The following ZNF549 variants were observed in gnomAD, a reference collection of about 807,000 sequenced individuals.
The protein encoded by ZNF549 is zinc finger protein 549.
ZNF549 carries 11 observed loss-of-function variants against 11.1 expected under a neutral mutation model. The observed-to-expected ratio is 0.99, with a 90% confidence interval of 0.62 to 1.64. The LOEUF (loss-of-function observed/expected upper bound fraction) is 1.64. ZNF549 is among the 40% of genes most tolerant of loss of function. The pLI is 0.00. For missense variants in ZNF549, 748 were observed against 765.1 expected, an observed-to-expected ratio of 0.98 and a Z score of 0.26; for synonymous variants, 266 against 269.1, an observed-to-expected ratio of 0.99 and a Z score of 0.11.
chr19:57,535,628 A>G (rs2089921231), intron 3 of ZNF549, among the ~76,000 whole-genome samples: 1 of 152,144 alleles, frequency 6.6e-6, no homozygotes, highest in Non-Finnish European at 1.5e-5. Flanking sequence ...TTTCTCAGGA[A>G]TTACAGGTAC....
intron 1 of ZNF549, 85 bp downstream of exon 1, chr19:57,527,691 C>T (rs922606314): frequency 9.9e-6 from 15 of 1,522,306 alleles, no homozygotes; most frequent in Non-Finnish European, 1.1e-5. Context: ...GTTCAGGCCT[C>T]TTCTCCAGGA....
intron 2 of ZNF549, among the ~76,000 whole-genome samples, chr19:57,534,656 A>G (rs2123313400): frequency 6.6e-6 from 1 of 152,280 alleles, no homozygotes; most frequent in Non-Finnish European, 1.5e-5. Flanking sequence ...CCACATGGGG[A>G]CGTCTTCATA....
In ZNF549 at chr19:57,531,053, C is replaced by G. The variant is rs761801274; in HGVS notation, c.34-17C>G. On this transcript the variant is annotated splice_polypyrimidine_tract_variant and intron_variant, in intron 1 of 3. Transcript: ENST00000376233. ...CACCTTGAACACCTGTATTTCATAG[C>G]CTCCCTCTTCCTACAGATTCCCATG... 1 of 1,598,054 alleles carries G rather than the reference C, an allele frequency of 6.3e-7. No homozygotes were observed. Among genetic ancestry groups the G allele is most frequent in the Non-Finnish European group, 8.5e-7 (1 of 1,179,598 alleles).
At position 57,537,391 on chromosome 19, in the gene ZNF549, G is replaced by T; in HGVS notation, c.387G>T (p.Gln129His). 1 of 1,614,202 alleles carries T rather than the reference G, an allele frequency of 6.2e-7. No homozygotes were observed. The highest frequency in any genetic ancestry group is 1.1e-5 in the South Asian group (1 of 91,074). Residue 129 changes from glutamine to histidine, a missense_variant, in exon 4 of 4, where the codon CAG becomes CAT. Coordinates refer to ENST00000376233, the MANE Select transcript of ZNF549 (RefSeq NM_001199295.2). ...AGCATCAGGGGACACTTCCCTGGCA[G>T]AAACCTTATACGTCTGTGGCCAGTG... ...LSEHQGTLPW[Q>H]KPYTSVASGK...
Position 57,538,139 on chromosome 19 carries a change from C to CA in ZNF549, c.1136dup (p.His379GlnfsTer15), listed in dbSNP as rs1389370073. 1 of 1,614,232 alleles carries CA rather than the reference C, an allele frequency of 6.2e-7. No homozygotes were observed. Among genetic ancestry groups the CA allele is most frequent in the African/African-American group, 1.3e-5 (1 of 75,052 alleles). On this transcript the variant is annotated frameshift_variant, in exon 4 of 4. Coordinates refer to ENST00000376233, the MANE Select transcript of ZNF549 (RefSeq NM_001199295.2). LOFTEE classifies it low-confidence loss of function (END_TRUNC). ...TATTCATTCCTATGACCGCATTCGA[C>CA]ACCAGAGAGTTCACACTGGAGAAGG... is the stretch of plus-strand genomic sequence containing the variant.
intron 2 of ZNF549, among the ~76,000 whole-genome samples, chr19:57,532,395 C>A (rs948810552): frequency 1.1e-4 from 17 of 152,140 alleles, no homozygotes; most frequent in Admixed American, 2.6e-4. Context: ...ATGGAAATAG[C>A]TCTCAGGGAG....
chr19:57,529,854 C>A (rs1489808365), intron 1 of ZNF549, among the ~76,000 whole-genome samples: 1 of 151,864 alleles, frequency 6.6e-6, no homozygotes, highest in Non-Finnish European at 1.5e-5. Flanking sequence ...CCACTACACT[C>A]CAGCCTGGGC....
In ZNF549 at chr19:57,538,270, T is replaced by G; in HGVS notation, c.1266T>G (p.Cys422Trp). The stretch of plus-strand genomic sequence containing the variant: ...AAAGGCCTTATGAGTGCAAAGAATG[T>G]GGGAAGGCCTTCATTCACAAAAAAA... ...TGERPYECKE[C>W]GKAFIHKKRL... Residue 422 changes from cysteine to tryptophan, a missense_variant, in exon 4 of 4, where the codon TGT becomes TGG. Cys to Trp is a radical substitution (Grantham distance 215). Transcript: ENST00000376233. 6.2e-7 allele frequency: 1 copy of G among 1,613,838 alleles called. No homozygotes were observed. Among genetic ancestry groups the G allele is most frequent in the Non-Finnish European group, 8.5e-7 (1 of 1,179,956 alleles).
rs184207198 is a variant in ZNF549, at chr19:57,538,952, T to C, written c.*25T>C. On this transcript the variant is annotated 3_prime_UTR_variant, in exon 4 of 4. Coordinates refer to ENST00000376233, the MANE Select transcript of ZNF549 (RefSeq NM_001199295.2). ...GCAATTGTTGGGATGTGTAATTGTCTTATTCACTGTAGGACACCAGAGAGC... is the reference window on the plus strand; with the variant it reads ...GCAATTGTTGGGATGTGTAATTGTCCTATTCACTGTAGGACACCAGAGAGC... 23 of 1,577,300 alleles carry C rather than the reference T, an allele frequency of 1.5e-5. No homozygotes were observed. Among genetic ancestry groups the C allele is most frequent in the Non-Finnish European group, 6.9e-6 (8 of 1,167,798 alleles).
Position 57,527,523 on chromosome 19 carries a change from A to G in ZNF549, c.-51A>G. The G allele has an allele frequency of 6.2e-7, 1 of 1,611,428 alleles. No individual in the cohort carries two copies. The highest frequency in any genetic ancestry group is 8.5e-7 in the Non-Finnish European group (1 of 1,179,366). ...CGATTTGCCACCGCACGCACGCCGG[A>G]TCCCGGGCTTTACCGCCCGCCTTTC... On this transcript the variant is annotated 5_prime_UTR_variant, in exon 1 of 4. Coordinates refer to ENST00000376233, the MANE Select transcript of ZNF549 (RefSeq NM_001199295.2).
chr19:57,530,217 G>T (rs1041857288), intron 1 of ZNF549, among the ~76,000 whole-genome samples: 5 of 152,160 alleles, frequency 3.3e-5, no homozygotes, highest in Admixed American at 2.0e-4. Context: ...CCCACCTCTG[G>T]CATCCAGGGA....
chr19:57,538,536 A>G lies in ZNF549; in HGVS notation c.1532A>G (p.Tyr511Cys). ...YECSECGKGF[Y>C]LEVKLLQHQR... ...TGCAGTGAATGTGGAAAAGGCTTCT[A>G]CCTTGAGGTTAAACTTCTTCAGCAC... The change falls in exon 4 of 4, where the codon TAC (tyrosine) becomes TGC (cysteine). Residue 511 changes from tyrosine (Y) to cysteine (C), a missense_variant. Transcript: ENST00000376233. The G allele has an allele frequency of 6.2e-7, 1 of 1,614,178 alleles. No individual in the cohort carries two copies. The highest frequency in any genetic ancestry group is 8.5e-7 in the Non-Finnish European group (1 of 1,180,028).
In ZNF549 at chr19:57,539,941, A is replaced by G. The variant is rs2089947737; in HGVS notation, c.*1014A>G. The stretch of plus-strand genomic sequence containing the variant: ...TGCATCCAGATATGTCTGTGTTACT[A>G]TGGCTTCATGGTTTGGGGGTATATA... On this transcript the variant is annotated 3_prime_UTR_variant, in exon 4 of 4. Transcript: ENST00000376233. The G allele has an allele frequency of 6.6e-6, 1 of 152,226 alleles. No homozygotes were observed. 9.4% of individuals were successfully genotyped at this position (152,226 alleles called of 1,614,324 possible).
intron 2 of ZNF549, among the ~76,000 whole-genome samples, chr19:57,531,532 T>C (rs927728755): frequency 6.6e-6 from 1 of 152,246 alleles, no homozygotes; most frequent in Non-Finnish European, 1.5e-5. Context: ...TACAATATTT[T>C]TTTTCTTGTT....
rs1159572024 is a variant in ZNF549 at position 57,539,229 on chromosome 19, G to A, written c.*302G>A. The A allele has an allele frequency of 3.8e-6, 1 of 266,390 alleles. No individual in the cohort carries two copies. The highest frequency in any genetic ancestry group is 6.8e-5 in the East Asian group (1 of 14,642). The allele number at this position is 266,390 out of a possible 1,614,324, so 16.5% of individuals were successfully genotyped here. On this transcript the variant is annotated 3_prime_UTR_variant, in exon 4 of 4. Coordinates refer to ENST00000376233, the MANE Select transcript of ZNF549 (RefSeq NM_001199295.2). The stretch of plus-strand genomic sequence containing the variant: ...TTCTGAAGGGAATAATATAATAAAA[G>A]CCTGTTGAGGGTCCTCTTCCATCTT...
chr19:57,535,744 G>A lies in ZNF549; in HGVS notation c.199+474G>A, dbSNP rs143366984. Among the ~76,000 whole-genome samples the A allele has an allele frequency of 1.8e-3, 271 of 152,188 alleles. 2 individuals are homozygous for A. The highest frequency in any genetic ancestry group is 5.9e-3 in the African/African-American group (243 of 41,526). ...CTCCTGTAGTCTGTCATGGGTTGGC[G>A]CACCCTGGGCCAGTGTTGTTGACCC... On this transcript the variant is annotated intron_variant, in intron 3 of 3. Coordinates refer to ENST00000376233, the MANE Select transcript of ZNF549 (RefSeq NM_001199295.2).
In ZNF549 at chr19:57,537,710, G is replaced by A. The variant is rs781578082; in HGVS notation, c.706G>A (p.Glu236Lys). The change falls in exon 4 of 4, where the codon GAG (glutamate) becomes AAG (lysine). Residue 236 changes from glutamate (E) to lysine (K), a missense_variant. Glu to Lys is a moderately conservative substitution (Grantham distance 56, BLOSUM62 1). Coordinates refer to ENST00000376233, the MANE Select transcript of ZNF549 (RefSeq NM_001199295.2). ...QVFNEKVHVT[E>K]HQRVHTGEKA... ...TTTCAATGAGAAAGTTCATGTTACT[G>A]AGCATCAGAGAGTCCACACTGGAGA... The A allele has an allele frequency of 3.7e-6, 6 of 1,614,132 alleles. No homozygotes were observed. The highest frequency in any genetic ancestry group is 1.1e-5 in the South Asian group (1 of 91,084).
chr19:57,527,462 A>C lies in ZNF549; in HGVS notation c.-112A>C. ...CGGTGGAGGTGGTGTCCGCCCGCAG[A>C]GGAGCTTGCCTGGTCTCGGTCTGAG... On this transcript the variant is annotated 5_prime_UTR_variant, in exon 1 of 4. Coordinates refer to ENST00000376233, the MANE Select transcript of ZNF549 (RefSeq NM_001199295.2). 3.4e-6 allele frequency: 5 copies of C among 1,461,802 alleles called. No homozygotes were observed. The highest frequency in any genetic ancestry group is 4.7e-6 in the Non-Finnish European group (5 of 1,062,914). 90.6% of individuals were successfully genotyped at this position (1,461,802 alleles called of 1,614,324 possible).
intron 3 of ZNF549, among the ~76,000 whole-genome samples, chr19:57,536,017 T>C (rs1013567457): frequency 6.6e-6 from 1 of 152,152 alleles, no homozygotes; most frequent in Non-Finnish European, 1.5e-5. Context: ...CCAGGGCTCA[T>C]GGCCATACCT....
Sources: gnomAD v4.1 joint callset for allele counts (sites outside exome capture counted in the v4.1 genomes callset) on GRCh38, gnomAD v4.1.1 for gene constraint, MANE v1.5 for transcripts, NCBI Gene and HGNC (gene_info 2026-07-23, HGNC 2026-07-21) for gene names.